Variants in BMPER observed in about 807,000 individuals in gnomAD.
BMPER encodes the protein BMP binding endothelial regulator, also known as BMP-binding endothelial regulator protein.
A neutral mutation model predicts 87.3 loss-of-function variants in BMPER; 45 were observed. That is an observed-to-expected ratio of 0.52 (90% CI 0.41 to 0.66). The LOEUF (loss-of-function observed/expected upper bound fraction) is 0.66, where lower values mean the gene tolerates loss of function less well. Ranked by LOEUF, BMPER falls within the 30% of genes least tolerant of loss-of-function variation. BMPER has a pLI of 0.00. For missense variants in BMPER, 784 were observed against 867.5 expected, an observed-to-expected ratio of 0.90 and a Z score of 1.21; for synonymous variants, 326 against 316.2, an observed-to-expected ratio of 1.03 and a Z score of -0.33.
chr7:34,098,509 A>C (rs1585832259), intron 13 of BMPER, among the ~76,000 whole-genome samples: 1 of 150,102 alleles, frequency 6.7e-6, no homozygotes, highest in Admixed American at 6.6e-5. Flanking sequence ...TGGAATTAAT[A>C]ATTCTTTTAA....
chr7:33,976,263 C>G (rs573395295), intron 6 of BMPER, among the ~76,000 whole-genome samples: 1 of 152,152 alleles, frequency 6.6e-6, no homozygotes, highest in East Asian at 1.9e-4. Context: ...AGTGATTCTC[C>G]TGCCTCAGCC....
chr7:34,059,744 G>GA (rs76980222), intron 10 of BMPER, among the ~76,000 whole-genome samples: 28,809 of 126,872 alleles, frequency 0.23, 2,940 homozygotes, highest in Middle Eastern at 0.28. Flanking sequence ...GGAAATTTTG[G>GA]AAAAAAAAAA....
chr7:34,122,235 G>A (rs1790282299), intron 13 of BMPER, among the ~76,000 whole-genome samples: 1 of 152,146 alleles, frequency 6.6e-6, no homozygotes, highest in Non-Finnish European at 1.5e-5. Context: ...GATTCTGCTT[G>A]AATAGGTCTG....
intron 6 of BMPER, among the ~76,000 whole-genome samples, chr7:34,011,275 A>T (rs767034598): frequency 1.3e-5 from 2 of 151,860 alleles, no homozygotes; most frequent in Non-Finnish European, 2.9e-5. Context: ...GAGGCCCGAG[A>T]TTCTGTATTT....
intron 6 of BMPER, 89 bp from the exon 7 acceptor site, chr7:34,046,217 G>C: frequency 8.1e-7 from 1 of 1,232,584 alleles, no homozygotes; most frequent in Non-Finnish European, 1.2e-6. Context: ...TACTATGGAA[G>C]GGCCTTAGGT....
chr7:34,033,909 C>T (rs1562701149), intron 6 of BMPER, among the ~76,000 whole-genome samples: 2 of 152,192 alleles, frequency 1.3e-5, no homozygotes, highest in South Asian at 2.1e-4. Context: ...GAACTGCTGT[C>T]GTTTTCTGTA....
At position 34,143,237 on chromosome 7, in the gene BMPER, G is replaced by T; in HGVS notation, c.1753G>T (p.Val585Leu). Residue 585 changes from valine to leucine, a missense_variant, in exon 14 of 15, where the codon GTG (valine) becomes TTG (leucine). By Grantham distance (32) the Val-to-Leu change is conservative. Transcript: ENST00000649409. ...VDYATFYRSC[V>L]TDMCECPVHK... is the part of the protein sequence containing the mutation. ...CTCTTTTGGGTCCTATAGGTCCTGT[G>T]TGACAGACATGTGTGAATGTCCAGT... 1 of 1,613,982 alleles carries T rather than the reference G, an allele frequency of 6.2e-7. No homozygotes were observed.
At chr7:34,127,287 C>T (rs959939664) in intron 13 of BMPER, among the ~76,000 whole-genome samples, 1 of 152,202 alleles carries the variant, frequency 6.6e-6, no homozygotes, top group African/African-American at 2.4e-5. Context: ...TAGGAACACT[C>T]TGGCTCAACC....
At chr7:34,047,287 T>A (rs1164499590) in intron 7 of BMPER, among the ~76,000 whole-genome samples, 1 of 152,104 alleles carries the variant, frequency 6.6e-6, no homozygotes, top group African/African-American at 2.4e-5. Flanking sequence ...TTTTTTATTT[T>A]TTTATTTTTT....
chr7:33,983,136 A>G (rs1443219339), intron 6 of BMPER, among the ~76,000 whole-genome samples: 3 of 152,176 alleles, frequency 2.0e-5, no homozygotes, highest in African/African-American at 4.8e-5. Flanking sequence ...ATTTTTTTAT[A>G]TTAAAAATAT....
rs1170729215 is a variant in BMPER, at chr7:34,154,965, G to A, written c.*1692G>A. 6.6e-6 allele frequency: 1 copy of A among 152,090 alleles called. No individual in the cohort carries two copies. The highest frequency in any genetic ancestry group is 1.9e-4 in the East Asian group (1 of 5,174). 9.4% of individuals were successfully genotyped at this position (152,090 alleles called of 1,614,324 possible). On this transcript the variant is annotated 3_prime_UTR_variant, in exon 15 of 15. Coordinates refer to ENST00000649409, the MANE Select transcript of BMPER (RefSeq NM_001365308.1). ...GACTTAGGTGCTTTGGGATCTAAGTGTGGTTTGTGACTATCCCCATTATTT... is the reference window on the plus strand; with the variant it reads ...GACTTAGGTGCTTTGGGATCTAAGTATGGTTTGTGACTATCCCCATTATTT...
chr7:33,979,121 A>G (rs1048604759), intron 6 of BMPER, among the ~76,000 whole-genome samples: 1 of 152,076 alleles, frequency 6.6e-6, no homozygotes, highest in Non-Finnish European at 1.5e-5. Context: ...GTAAACATCT[A>G]TACATTCATA....
intron 13 of BMPER, among the ~76,000 whole-genome samples, chr7:34,099,050 A>G (rs540797136): frequency 2.0e-5 from 3 of 150,056 alleles, no homozygotes; most frequent in East Asian, 1.9e-4. Context: ...TCCAGTGCCA[A>G]TAATAATGTA....
chr7:33,969,080 C>G (rs528867008), intron 4 of BMPER, among the ~76,000 whole-genome samples: 4 of 152,274 alleles, frequency 2.6e-5, no homozygotes, highest in Admixed American at 6.5e-5. Flanking sequence ...GAGTGGAAAC[C>G]TCAGGCCTGA....
At position 34,085,819 on chromosome 7, in the gene BMPER, G is replaced by T; in HGVS notation, c.1472G>T (p.Gly491Val). 1 of 1,614,148 alleles carries T rather than the reference G, an allele frequency of 6.2e-7. No homozygotes were observed. Among genetic ancestry groups the T allele is most frequent in the African/African-American group, 1.3e-5 (1 of 75,024 alleles). ...GTCATGGCTGCGCCGCATCTCAAGG[G>T]CAAGCTCTGTGGTCTTTGTGGCAAC... Reference protein sequence around the residue: ...VEVMAAPHLKGKLCGLCGNYN... With the variant: ...VEVMAAPHLKVKLCGLCGNYN... The change falls in exon 13 of 15, where the codon GGC becomes GTC. Residue 491 changes from glycine (G) to valine (V), a missense_variant. Gly to Val is a moderately radical substitution (Grantham distance 109, BLOSUM62 -3). Coordinates refer to ENST00000649409, the MANE Select transcript of BMPER (RefSeq NM_001365308.1).
intron 14 of BMPER, among the ~76,000 whole-genome samples, chr7:34,146,053 A>T (rs1435413027): frequency 6.6e-6 from 1 of 152,072 alleles, no homozygotes; most frequent in African/African-American, 2.4e-5. Flanking sequence ...ACACACACAC[A>T]TACACACACG....
At position 34,065,243 on chromosome 7, in the gene BMPER, T is replaced by C. The variant is rs796531297; in HGVS notation, c.1078+3196T>C. Among the ~76,000 whole-genome samples the C allele has an allele frequency of 5.4e-3, 699 of 130,348 alleles. 7 individuals carry two copies. The highest frequency in any genetic ancestry group is 0.017 in the African/African-American group (631 of 37,190). The allele number at this position is 130,348 out of a possible 152,430, so 85.5% of individuals were successfully genotyped here. ...CTCTCTCTCTCTCTCTCTCTCTCTCTCTCTCCCTCTCTCTCTCTCTCCCCA... is the reference window on the plus strand; with the variant it reads ...CTCTCTCTCTCTCTCTCTCTCTCTCCCTCTCCCTCTCTCTCTCTCTCCCCA... On this transcript the variant is annotated intron_variant, in intron 11 of 14. Transcript: ENST00000649409.
At chr7:33,924,002 G>A (rs1784297894) in intron 2 of BMPER, among the ~76,000 whole-genome samples, 1 of 152,150 alleles carries the variant, frequency 6.6e-6, no homozygotes, top group Non-Finnish European at 1.5e-5. Flanking sequence ...CAGTCCAGCT[G>A]CATCTGTCCA....
chr7:34,141,712 A>G (rs935091903), intron 13 of BMPER, among the ~76,000 whole-genome samples: 15 of 152,162 alleles, frequency 9.9e-5, no homozygotes, highest in African/African-American at 3.4e-4. Flanking sequence ...TCACTCATCA[A>G]ATAATCTCTC....
Sources: allele counts gnomAD v4.1 joint callset (sites outside exome capture counted in the v4.1 genomes callset), GRCh38; gene constraint gnomAD v4.1.1; transcripts MANE v1.5; gene names NCBI Gene and HGNC (gene_info 2026-07-23, HGNC 2026-07-21).